Variants in BUD13 observed in about 807,000 individuals in gnomAD.
BUD13 encodes BUD13 spliceosome associated protein.
In BUD13, 47 loss-of-function variants were observed where a neutral mutation model predicts 62.5. The ratio of observed to expected loss-of-function variants is 0.75; its 90% CI spans 0.60 to 0.96. The LOEUF is 0.96. Among genes scored for constraint, BUD13 ranks in the 40% least tolerant of loss-of-function variants. BUD13 has a pLI of 0.00. For synonymous variants in BUD13, 293 were observed against 280.1 expected (o/e 1.05, Z -0.46); for missense variants, 821 against 790.9 (o/e 1.04, Z -0.46).
intron 9 of BUD13, among the ~76,000 whole-genome samples, chr11:116,748,878 G>A (rs902363763): frequency 6.6e-6 from 1 of 151,384 alleles, no homozygotes; most frequent in African/African-American, 2.4e-5. Flanking sequence ...CCAGCTATTC[G>A]GGAGGCTGAC....
At chr11:116,756,439 G>A (rs1442437918) in intron 9 of BUD13, among the ~76,000 whole-genome samples, 2 of 151,418 alleles carry the variant, frequency 1.3e-5, no homozygotes, top group African/African-American at 4.9e-5. Context: ...TTGAACCCAG[G>A]AGGCAGAGGT....
chr11:116,765,529 C>G (rs1940517604), intron 2 of BUD13, 83 bp from the exon 3 acceptor site: 2 of 1,446,102 alleles, frequency 1.4e-6, no homozygotes, highest in Non-Finnish European at 1.9e-6. Flanking sequence ...AAGTTACAAC[C>G]ATTCCGATTC....
intron 4 of BUD13, among the ~76,000 whole-genome samples, chr11:116,761,314 G>A (rs1940428445): frequency 6.6e-6 from 1 of 152,160 alleles, no homozygotes; most frequent in South Asian, 2.1e-4. Context: ...GGCCTCCAAA[G>A]TGCTGGGATT....
intron 1 of BUD13, among the ~76,000 whole-genome samples, chr11:116,771,984 T>C (rs1305874480): frequency 1.3e-5 from 2 of 152,244 alleles, no homozygotes; most frequent in Non-Finnish European, 1.5e-5. Flanking sequence ...GCCCCAAGCA[T>C]ACCTTGGCTT....
chr11:116,759,291 A>G, intron 5 of BUD13, 112 bp from the exon 6 acceptor site: 2 of 678,092 alleles, frequency 2.9e-6, no homozygotes, highest in Non-Finnish European at 5.2e-6. Flanking sequence ...ATTAAACCTA[A>G]AACTCTAGCT....
chr11:116,754,448 T>C (rs1940290664), intron 9 of BUD13, among the ~76,000 whole-genome samples: 2 of 152,134 alleles, frequency 1.3e-5, no homozygotes, highest in African/African-American at 4.8e-5. Flanking sequence ...GTCCAAATAT[T>C]TGGAATTAAT....
chr11:116,760,224 TAA>T (rs1777334780), intron 5 of BUD13, among the ~76,000 whole-genome samples: 1 of 152,244 alleles, frequency 6.6e-6, no homozygotes, highest in Admixed American at 6.5e-5. Context: ...GACACTGTGC[TAA>T]GAGTTTTACT....
At position 116,748,366 on chromosome 11, in the gene BUD13, A is replaced by C; in HGVS notation, c.*116T>G. ...TCTTCTGTGGTCAAAACTGGCATTC[A>C]ACAAGTTGCTGGTCTGTGTGGGCTC... On this transcript the variant is annotated 3_prime_UTR_variant, in exon 10 of 10. Coordinates refer to ENST00000260210, the MANE Select transcript of BUD13 (RefSeq NM_032725.4). 8.1e-6 allele frequency: 7 copies of C among 865,436 alleles called. No homozygotes were observed. The South Asian group carries it at 1.1e-4, about 14-fold the overall frequency. 53.6% of individuals were successfully genotyped at this position (865,436 alleles called of 1,614,324 possible).
Position 116,762,703 on chromosome 11 carries a change from T to C in BUD13, c.886A>G (p.Ser296Gly). 1.2e-6 allele frequency: 2 copies of C among 1,614,228 alleles called. No individual in the cohort carries two copies. The highest frequency in any genetic ancestry group is 1.7e-6 in the Non-Finnish European group (2 of 1,180,020). ...KSGKAPERAS[S>G]KTSPHWKESG... ...TCCTTCCAATGTGGAGAAGTCTTGC[T>C]AGAGGCTCTTTCTGGGGCTTTACCA... Residue 296 changes from serine (S) to glycine (G), a missense_variant, in exon 4 of 10, where the codon AGC becomes GGC. By Grantham distance (56) the Ser-to-Gly change is moderately conservative. This residue lies in a region of BUD13 where 800 missense variants were observed against 739.2 expected (regional missense o/e 1.08). Coordinates refer to ENST00000260210, the MANE Select transcript of BUD13 (RefSeq NM_032725.4).
chr11:116,756,986 A>C (rs1565311942), intron 9 of BUD13, among the ~76,000 whole-genome samples, 160 bp downstream of exon 9: 1 of 152,250 alleles, frequency 6.6e-6, no homozygotes, highest in Non-Finnish European at 1.5e-5. Flanking sequence ...TGTTCCAAGC[A>C]TGAGAAATAG....
At position 116,770,167 on chromosome 11, in the gene BUD13, C is replaced by T; in HGVS notation, c.199G>A (p.Glu67Lys). The T allele has an allele frequency of 6.2e-7, 1 of 1,613,390 alleles. No individual in the cohort carries two copies. The highest frequency in any genetic ancestry group is 8.5e-7 in the Non-Finnish European group (1 of 1,179,708). ...SWTAISTTKLEKEEEEDDGDL... is the reference protein window; with the variant it reads ...SWTAISTTKLKKEEEEDDGDL... The stretch of plus-strand genomic sequence containing the variant: ...CCATCATCTTCCTCTTCCTCCTTTT[C>T]TAGTTTGGTTGTGGAGATAGCTGTC... Residue 67 changes from glutamate to lysine, a missense_variant, in exon 2 of 10, where the codon GAA becomes AAA. By Grantham distance (56) the Glu-to-Lys change is moderately conservative. Around this residue, in one of 2 missense-constraint regions of BUD13, gnomAD observed 800 missense variants for 739.2 expected, o/e 1.08. Coordinates refer to ENST00000260210, the MANE Select transcript of BUD13 (RefSeq NM_032725.4).
At chr11:116,758,213 G>T in intron 7 of BUD13, 56 bp downstream of exon 7, 1 of 1,601,512 alleles carries the variant, frequency 6.2e-7, no homozygotes, top group Admixed American at 1.7e-5. Context: ...GAAGAGCAGA[G>T]AAATGACTTG....
At chr11:116,772,684 G>A (rs1940652063) in intron 1 of BUD13, 138 bp downstream of exon 1, 2 of 1,221,668 alleles carry the variant, frequency 1.6e-6, no homozygotes, top group Non-Finnish European at 1.1e-6. Flanking sequence ...GATGTGAGTG[G>A]GGCCCTGAGC....
intron 2 of BUD13, among the ~76,000 whole-genome samples, chr11:116,766,549 C>G (rs1940532420): frequency 6.6e-6 from 1 of 152,242 alleles, no homozygotes; most frequent in South Asian, 2.1e-4. Context: ...GGCCACTTAG[C>G]ATTTGTGTAA....
At chr11:116,748,810 A>AC (rs1304981351) in intron 9 of BUD13, among the ~76,000 whole-genome samples, 1 of 152,058 alleles carries the variant, frequency 6.6e-6, no homozygotes, top group African/African-American at 2.4e-5. Flanking sequence ...ATATGGTGAA[A>AC]CCCTGTCTCT....
chr11:116,753,282 G>A (rs1347476328), intron 9 of BUD13, among the ~76,000 whole-genome samples: 1 of 152,096 alleles, frequency 6.6e-6, no homozygotes, highest in Non-Finnish European at 1.5e-5. Context: ...GGAAGAGAAG[G>A]AACTACAAAA....
chr11:116,762,563 A>C lies in BUD13; in HGVS notation c.1026T>G (p.Leu342=). The C allele has an allele frequency of 3.1e-6, 5 of 1,608,422 alleles. No homozygotes were observed. The highest frequency in any genetic ancestry group is 4.2e-6 in the Non-Finnish European group (5 of 1,177,172). ...CAGTCATATGCTCACCTTTGGAATC[A>C]AGCTGCTTCTTGTCTCCAAAATGGG... The part of the protein sequence containing the change: ...AKSHFGDKKQ[L]DSKGDCQKAT... Residue 342 remains leucine, a synonymous_variant, in exon 4 of 10, where the codon CTT becomes CTG. Coordinates refer to ENST00000260210, the MANE Select transcript of BUD13 (RefSeq NM_032725.4).
chr11:116,749,855 G>A (rs1338350366), intron 9 of BUD13, among the ~76,000 whole-genome samples: 1 of 152,210 alleles, frequency 6.6e-6, no homozygotes. Flanking sequence ...ACGGAAGAGA[G>A]AAGACACAGG....
At chr11:116,749,925 A>AG (rs1280019957) in intron 9 of BUD13, among the ~76,000 whole-genome samples, 2 of 152,222 alleles carry the variant, frequency 1.3e-5, no homozygotes, top group Non-Finnish European at 2.9e-5. Context: ...AGGACAAAGA[A>AG]GGAGGAGGCA....
Sources: allele counts gnomAD v4.1 joint callset (sites outside exome capture counted in the v4.1 genomes callset), GRCh38; gene constraint gnomAD v4.1.1; regional missense constraint gnomAD v4.1.1; transcripts MANE v1.5; gene names NCBI Gene and HGNC (gene_info 2026-07-23, HGNC 2026-07-21).